The following AQP7 variants were observed in gnomAD, a reference collection of about 807,000 sequenced individuals.
AQP7 encodes aquaporin-7.
Under a neutral mutation model 26.1 loss-of-function variants are expected in AQP7, and 22 were observed. The ratio of observed to expected loss-of-function variants is 0.84; its 90% CI spans 0.60 to 1.20. The LOEUF is 1.20. Ranked by LOEUF, AQP7 falls within the 50% of genes most tolerant of loss-of-function variation. AQP7 has a pLI of 0.00. For missense variants in AQP7, 412 were observed against 457.5 expected (o/e 0.90, Z 0.91); for synonymous variants, 167 against 181.7 (o/e 0.92, Z 0.65).
chr9:33,393,773 C>T (rs1825613705), intron 3 of AQP7: 1 of 152,304 alleles, frequency 6.6e-6, no homozygotes, highest in Admixed American at 6.5e-5. Context: ...TTGCCAAACC[C>T]AAAGGCCTCT....
intron 3 of AQP7, among the ~76,000 whole-genome samples, chr9:33,388,117 T>C (rs183547529): frequency 3.3e-5 from 5 of 152,316 alleles, no homozygotes; most frequent in Non-Finnish European, 7.3e-5. Context: ...CAGCTATGCC[T>C]GATGCGCTAA....
chr9:33,395,900 C>G (rs1468370359), intron 2 of AQP7, among the ~76,000 whole-genome samples: 1 of 152,160 alleles, frequency 6.6e-6, no homozygotes, highest in African/African-American at 2.4e-5. Flanking sequence ...AGCACCACGC[C>G]AGGCACATAG....
At position 33,386,072 on chromosome 9, in the gene AQP7, C is replaced by T; in HGVS notation, c.525+5G>A. 1 of 1,612,924 alleles carries T rather than the reference C, an allele frequency of 6.2e-7. No individual in the cohort carries two copies. Among genetic ancestry groups the T allele is most frequent in the East Asian group, 2.2e-5 (1 of 44,884 alleles). ...GGGGAGGGATACTCATCCTCGACCA[C>T]TGACCTCATTCAGGAAGCCCCGCCA... On this transcript the variant is annotated splice_donor_5th_base_variant and intron_variant, in intron 6 of 7. Transcript: ENST00000297988.
rs1824553182 is a variant in AQP7 at position 33,384,321 on chromosome 9, C to T, written c.*684G>A. The T allele has an allele frequency of 6.6e-6, 1 of 152,184 alleles. No homozygotes were observed. Among genetic ancestry groups the T allele is most frequent in the African/African-American group, 2.4e-5 (1 of 41,432 alleles). 9.4% of individuals were successfully genotyped at this position (152,184 alleles called of 1,614,324 possible). ...AAGAAAGAGGAGCCCAACCCCTTAA[C>T]AGCCTTCAATCTATAACAAGCATTC... On this transcript the variant is annotated 3_prime_UTR_variant, in exon 8 of 8. Transcript: ENST00000297988.
At position 33,387,994 on chromosome 9, in the gene AQP7, A is replaced by G. The variant is rs567741266; in HGVS notation, c.145-902T>C. 1.6e-4 allele frequency among the ~76,000 whole-genome samples: 25 copies of G among 151,970 alleles called. No individual in the cohort carries two copies. In the East Asian group the frequency reaches 4.1e-3, roughly 25 times the overall value. ...CCCCTTCCCTCGCACCCCCTCCTCA[A>G]TCTGGCTTCCACTTCCACATGTCAC... is the stretch of plus-strand genomic sequence containing the variant. On this transcript the variant is annotated intron_variant, in intron 3 of 7. Coordinates refer to ENST00000297988, the MANE Select transcript of AQP7 (RefSeq NM_001170.3).
chr9:33,391,024 T>C (rs2118816353), intron 3 of AQP7, among the ~76,000 whole-genome samples: 1 of 152,178 alleles, frequency 6.6e-6, no homozygotes, highest in Non-Finnish European at 1.5e-5. Flanking sequence ...GGCAGGAGAA[T>C]CACTTGAACC....
intron 2 of AQP7, among the ~76,000 whole-genome samples, chr9:33,399,537 G>A (rs1826094774): frequency 6.6e-6 from 1 of 151,824 alleles, no homozygotes; most frequent in Non-Finnish European, 1.5e-5. Context: ...AGAAGCAGAA[G>A]TTGCAGTGAG....
At chr9:33,395,028 T>C (rs550440525) in intron 3 of AQP7, 50 bp downstream of exon 3, 2 of 1,520,612 alleles carry the variant, frequency 1.3e-6, no homozygotes, top group East Asian at 4.5e-5. Flanking sequence ...GAGGGGGTCA[T>C]GGACGGCCCT....
intron 3 of AQP7, among the ~76,000 whole-genome samples, chr9:33,392,934 G>A (rs545080384): frequency 6.6e-6 from 1 of 152,284 alleles, no homozygotes; most frequent in East Asian, 1.9e-4. Flanking sequence ...CAATAAGGAA[G>A]CTACAGTTGT....
At position 33,386,194 on chromosome 9, in the gene AQP7, C is replaced by T. The variant is rs528904601; in HGVS notation, c.408G>A (p.Thr136=). 138 of 1,613,978 alleles carry T rather than the reference C, an allele frequency of 8.6e-5. No individual in the cohort carries two copies. Among genetic ancestry groups the T allele is most frequent in the African/African-American group, 7.5e-4 (56 of 75,034 alleles). Residue 136 remains threonine (T), a splice_region_variant and synonymous_variant, in exon 6 of 8, where the codon ACG becomes ACA. Coordinates refer to ENST00000297988, the MANE Select transcript of AQP7 (RefSeq NM_001170.3). The part of the protein sequence containing the change: ...AAATIYSLFY[T]AILHFSGGQL... ...GTCCACCCGAAAAGTGGAGAATGGC[C>T]GCTGCGGAGACACAGACTGTCATGC...
At chr9:33,388,232 T>C (rs1462220773) in intron 3 of AQP7, among the ~76,000 whole-genome samples, 2 of 152,052 alleles carry the variant, frequency 1.3e-5, no homozygotes, top group Non-Finnish European at 2.9e-5. Flanking sequence ...AGGTTCGCCA[T>C]CTCACAGCAC....
chr9:33,385,271 A>T lies in AQP7; in HGVS notation c.763T>A (p.Trp255Arg). 2 of 1,611,008 alleles carry T rather than the reference A, an allele frequency of 1.2e-6. No homozygotes were observed. The highest frequency in any genetic ancestry group is 1.7e-6 in the Non-Finnish European group (2 of 1,179,396). Residue 255 changes from tryptophan to arginine, a missense_variant, in exon 8 of 8, where the codon TGG becomes AGG. Coordinates refer to ENST00000297988, the MANE Select transcript of AQP7 (RefSeq NM_001170.3). ...AGAAGTGGTGCCACCACTGGCACCC[A>T]CCACCAGTTCTCCCCATTGCTGCAG... Reference protein sequence around the residue: ...QVFSNGENWWWVPVVAPLLGA... With the variant: ...QVFSNGENWWRVPVVAPLLGA...
At chr9:33,389,896 C>T (rs374936189) in intron 3 of AQP7, among the ~76,000 whole-genome samples, 5 of 152,044 alleles carry the variant, frequency 3.3e-5, no homozygotes, top group African/African-American at 7.2e-5. Context: ...GGTGTGGTGG[C>T]GCTTGCCTGT....
At chr9:33,396,711 G>C (rs1222211793) in intron 2 of AQP7, among the ~76,000 whole-genome samples, 1 of 146,658 alleles carries the variant, frequency 6.8e-6, no homozygotes, top group South Asian at 2.2e-4. Context: ...TTCTCTGGGA[G>C]AGCCTCCTAC....
chr9:33,399,828 C>T (rs1335232158), intron 2 of AQP7, among the ~76,000 whole-genome samples: 1 of 151,876 alleles, frequency 6.6e-6, no homozygotes. Context: ...CCTGACATGG[C>T]CATGGGGGAG....
At position 33,383,802 on chromosome 9, in the gene AQP7, A is replaced by C. The variant is rs1824527766; in HGVS notation, c.*1203T>G. 7.0e-6 allele frequency: 1 copy of C among 142,996 alleles called. No homozygotes were observed. 8.9% of individuals were successfully genotyped at this position (142,996 alleles called of 1,614,324 possible). On this transcript the variant is annotated 3_prime_UTR_variant, in exon 8 of 8. Coordinates refer to ENST00000297988, the MANE Select transcript of AQP7 (RefSeq NM_001170.3). ...CCCAAAAAGGACACCCCCCACCACC[A>C]TACCCTGCTCTGTCTCCTCCTCTGG...
intron 3 of AQP7, chr9:33,391,414 C>T (rs1213698822): frequency 2.4e-5 from 6 of 246,264 alleles, no homozygotes; most frequent in Non-Finnish European, 5.5e-5. Context: ...GCTCTCTTGG[C>T]CCCCGTAGCA....
At chr9:33,397,952 C>G (rs1034526204) in intron 2 of AQP7, among the ~76,000 whole-genome samples, 3 of 152,208 alleles carry the variant, frequency 2.0e-5, no homozygotes, top group Non-Finnish European at 2.9e-5. Flanking sequence ...TGTTCAGACA[C>G]TGCAGTAAAG....
At chr9:33,401,527 C>T (rs1826282303) in intron 1 of AQP7, 3 of 540,928 alleles carry the variant, frequency 5.5e-6, no homozygotes, top group African/African-American at 1.9e-5. Context: ...CTCCAGTGCT[C>T]CTGCTGACCT....
Sources: gnomAD v4.1 joint callset for allele counts (sites outside exome capture counted in the v4.1 genomes callset) on GRCh38, gnomAD v4.1.1 for gene constraint, MANE v1.5 for transcripts, NCBI Gene and HGNC (gene_info 2026-07-23, HGNC 2026-07-21) for gene names.